TMCC3: variants seen among roughly 807,000 people sequenced by gnomAD.
TMCC3 encodes the protein transmembrane and coiled-coil domain family 3.
TMCC3 carries 28 observed loss-of-function variants against 40.2 expected under a neutral mutation model. The ratio of observed to expected loss-of-function variants is 0.70; its 90% CI spans 0.52 to 0.95. The LOEUF is 0.95. TMCC3 is among the 40% of genes least tolerant of loss of function. The pLI, the probability that TMCC3 is intolerant of heterozygous loss-of-function variation, is 0.00. For missense variants in TMCC3, 554 were observed against 615.2 expected, an observed-to-expected ratio of 0.90 and a Z score of 1.05; for synonymous variants, 255 against 248.5, an observed-to-expected ratio of 1.03 and a Z score of -0.25.
chr12:94,572,311 T>TTTC (rs1175330810), intron 3 of TMCC3, among the ~76,000 whole-genome samples: 1 of 119,994 alleles, frequency 8.3e-6, no homozygotes, highest in Admixed American at 8.4e-5. Context: ...TTCATCTTTT[T>TTTC]TTTTTTTTTT....
In TMCC3 at chr12:94,570,293, C is replaced by A. The variant is rs1349700571; in HGVS notation, c.*1142G>T. 1 of 152,246 alleles carries A rather than the reference C, an allele frequency of 6.6e-6. No individual in the cohort carries two copies. The highest frequency in any genetic ancestry group is 1.5e-5 in the Non-Finnish European group (1 of 68,048). The allele number at this position is 152,246 out of a possible 1,614,324, so 9.4% of individuals were successfully genotyped here. A position where few individuals can be genotyped will look rare whatever the true frequency, so the allele number is the denominator to read the frequency against. On this transcript the variant is annotated 3_prime_UTR_variant, in exon 4 of 4. Coordinates refer to ENST00000261226, the MANE Select transcript of TMCC3 (RefSeq NM_020698.4). ...TTCAGCGTTCCGACACCTCAGTGCA[C>A]TTGAACTTTAGAGGCTATGGTTCGG...
chr12:94,585,590 G>A (rs28502597), intron 1 of TMCC3, among the ~76,000 whole-genome samples: 3,691 of 152,182 alleles, frequency 0.024, 123 homozygotes, highest in African/African-American at 0.083. Context: ...CCAGCTACCC[G>A]GGAGGCTGAG....
chr12:94,571,484 T>G lies in TMCC3; in HGVS notation c.1385A>C (p.Asn462Thr). ...AVTLLAIFCKNWDHILCAIER... is the reference protein window; with the variant it reads ...AVTLLAIFCKTWDHILCAIER... ...TATGGCACACAGGATATGGTCCCAGTTTTTACAAAATATAGCAAGAAGAGT... is the reference window on the plus strand; with the variant it reads ...TATGGCACACAGGATATGGTCCCAGGTTTTACAAAATATAGCAAGAAGAGT... Residue 462 changes from asparagine (N) to threonine (T), a missense_variant, in exon 4 of 4, where the codon AAC becomes ACC. Transcript: ENST00000261226. 6.2e-7 allele frequency: 1 copy of G among 1,614,114 alleles called. No homozygotes were observed. Among genetic ancestry groups the G allele is most frequent in the Non-Finnish European group, 8.5e-7 (1 of 1,180,014 alleles).
intron 1 of TMCC3, chr12:94,610,179 A>C (rs895043779): frequency 4.6e-5 from 7 of 152,242 alleles, no homozygotes; most frequent in African/African-American, 1.4e-4. Flanking sequence ...ATCATTAGAA[A>C]GCCTTGCTAA....
intron 1 of TMCC3, among the ~76,000 whole-genome samples, chr12:94,618,946 G>C (rs957061401): frequency 3.9e-5 from 6 of 152,170 alleles, no homozygotes; most frequent in Non-Finnish European, 7.4e-5. Context: ...AATGAAAGCA[G>C]ACAGATGGCC....
rs1178986394 is a variant in TMCC3, at chr12:94,572,330, A to ATTTTTTTTTT, written c.1132-594_1132-593insAAAAAAAAAA. Among the ~76,000 whole-genome samples, 69 of 82,914 alleles carry ATTTTTTTTTT rather than the reference A, an allele frequency of 8.3e-4. 6 individuals carry two copies. The highest frequency in any genetic ancestry group is 1.1e-3 in the East Asian group (3 of 2,688). The allele number at this position is 82,914 out of a possible 152,430, so 54.4% of individuals were successfully genotyped here. A position where few individuals can be genotyped will look rare whatever the true frequency, so the allele number is the denominator to read the frequency against. Reference sequence around the variant, plus strand: ...TCTTTTTTTTTTTTTTTTTTTTTTGAGACAGAGTTTCACTCTGTCACCCAG... The same window carrying ATTTTTTTTTT: ...TCTTTTTTTTTTTTTTTTTTTTTTGATTTTTTTTTTGACAGAGTTTCACTCTGTCACCCAG... On this transcript the variant is annotated intron_variant, in intron 3 of 3. Transcript: ENST00000261226.
At chr12:94,604,351 T>G (rs1272551051) in intron 1 of TMCC3, among the ~76,000 whole-genome samples, 1 of 152,168 alleles carries the variant, frequency 6.6e-6, no homozygotes, top group South Asian at 2.1e-4. Flanking sequence ...TTAATTTAGG[T>G]TGCAAACCAA....
In TMCC3 at chr12:94,571,124, A is replaced by G; in HGVS notation, c.*311T>C. On this transcript the variant is annotated 3_prime_UTR_variant, in exon 4 of 4. Coordinates refer to ENST00000261226, the MANE Select transcript of TMCC3 (RefSeq NM_020698.4). ...TAGGAGAGAGACCTCTTTCTTCAGG[A>G]TCACCAATTATGCCAAGGTCTCAAT... 3.2e-6 allele frequency: 1 copy of G among 309,986 alleles called. No homozygotes were observed. The highest frequency in any genetic ancestry group is 6.0e-6 in the Non-Finnish European group (1 of 166,690). 19.2% of individuals were successfully genotyped at this position (309,986 alleles called of 1,614,324 possible).
intron 1 of TMCC3, among the ~76,000 whole-genome samples, chr12:94,586,143 A>G (rs1217289860): frequency 6.6e-6 from 1 of 152,228 alleles, no homozygotes; most frequent in East Asian, 1.9e-4. Flanking sequence ...ATTCAACTAA[A>G]CAGAGATTTT....
rs1396586808 is a variant in TMCC3 at position 94,568,539 on chromosome 12, T to C, written c.*2896A>G. The C allele has an allele frequency of 6.6e-6, 1 of 152,194 alleles. No individual in the cohort carries two copies. Among genetic ancestry groups the C allele is most frequent in the Admixed American group, 6.5e-5 (1 of 15,282 alleles). The allele number at this position is 152,194 out of a possible 1,614,324, so 9.4% of individuals were successfully genotyped here. A position where few individuals can be genotyped will look rare whatever the true frequency, so the allele number is the denominator to read the frequency against. On this transcript the variant is annotated 3_prime_UTR_variant, in exon 4 of 4. Coordinates refer to ENST00000261226, the MANE Select transcript of TMCC3 (RefSeq NM_020698.4). Reference sequence around the variant, plus strand: ...GAAAGGATTATAGTTGACACAAACATAAATTAAATATCCAATTCCAGCATA... The same window carrying C: ...GAAAGGATTATAGTTGACACAAACACAAATTAAATATCCAATTCCAGCATA...
intron 1 of TMCC3, among the ~76,000 whole-genome samples, 182 bp from the exon 2 acceptor site, chr12:94,582,720 T>C (rs1038302078): frequency 6.6e-6 from 1 of 151,232 alleles, no homozygotes; most frequent in Admixed American, 6.6e-5. Context: ...GGCTCCTTCC[T>C]GCATCCATCT....
intron 1 of TMCC3, among the ~76,000 whole-genome samples, chr12:94,619,879 T>C (rs1206235607): frequency 6.6e-6 from 1 of 152,184 alleles, no homozygotes; most frequent in East Asian, 1.9e-4. Flanking sequence ...AACATAACAT[T>C]GCAGCCAGGC....
chr12:94,568,251 G>T lies in TMCC3; in HGVS notation c.*3184C>A, dbSNP rs2068506324. ...AGTACTTTTTTGCTGTTTCATTATG[G>T]ATTTCCATTTTTTTTTTTTTTTTTT... is the stretch of plus-strand genomic sequence containing the variant. On this transcript the variant is annotated 3_prime_UTR_variant, in exon 4 of 4. Transcript: ENST00000261226. 1 of 151,156 alleles carries T rather than the reference G, an allele frequency of 6.6e-6. No homozygotes were observed. The highest frequency in any genetic ancestry group is 1.5e-5 in the Non-Finnish European group (1 of 67,902). 9.4% of individuals were successfully genotyped at this position (151,156 alleles called of 1,614,324 possible). A position where few individuals can be genotyped will look rare whatever the true frequency, so the allele number is the denominator to read the frequency against.
chr12:94,601,482 C>T lies in TMCC3; in HGVS notation c.79-18944G>A, dbSNP rs1277539700. Among the ~76,000 whole-genome samples, 5 of 152,048 alleles carry T rather than the reference C, an allele frequency of 3.3e-5. No homozygotes were observed. In the South Asian group the frequency reaches 6.2e-4, roughly 19 times the overall value. ...GCAGTGACCCGAGATCATGCCATTA[C>T]ACTCACTACACTCCAGCCTGGGCAA... On this transcript the variant is annotated intron_variant, in intron 1 of 3. Transcript: ENST00000261226.
intron 1 of TMCC3, among the ~76,000 whole-genome samples, chr12:94,596,756 T>C (rs1294546553): frequency 6.6e-6 from 1 of 152,128 alleles, no homozygotes; most frequent in East Asian, 1.9e-4. Flanking sequence ...AGCAGCCAAC[T>C]AGGGCAGCCA....
chr12:94,574,441 G>A (rs749983375), intron 3 of TMCC3, among the ~76,000 whole-genome samples: 1 of 150,640 alleles, frequency 6.6e-6, no homozygotes, highest in Non-Finnish European at 1.5e-5. Context: ...CTTCAGGCCT[G>A]CTGGGTGAAA....
intron 1 of TMCC3, among the ~76,000 whole-genome samples, chr12:94,633,555 C>A (rs114183655): frequency 6.6e-6 from 1 of 152,236 alleles, no homozygotes; most frequent in African/African-American, 2.4e-5. Flanking sequence ...AAACATTTGC[C>A]CCTCTTTGTG....
In TMCC3 at chr12:94,571,315, CAGTCCTAGTTTTTCTTACACACG is replaced by C; in HGVS notation, c.*97_*119del. 9.9e-7 allele frequency: 1 copy of C among 1,010,686 alleles called. No individual in the cohort carries two copies. Among genetic ancestry groups the C allele is most frequent in the Non-Finnish European group, 1.4e-6 (1 of 692,188 alleles). 62.6% of individuals were successfully genotyped at this position (1,010,686 alleles called of 1,614,324 possible). Reference sequence around the variant, plus strand: ...GAGAATTGTAGTTATTTACACCACACAGTCCTAGTTTTTCTTACACACGAGTCCGCACAATCATTCACTGTAAA... The same window carrying C: ...GAGAATTGTAGTTATTTACACCACACAGTCCGCACAATCATTCACTGTAAA... On this transcript the variant is annotated 3_prime_UTR_variant, in exon 4 of 4. Coordinates refer to ENST00000261226, the MANE Select transcript of TMCC3 (RefSeq NM_020698.4).
At chr12:94,614,894 C>A (rs1184222549) in intron 1 of TMCC3, among the ~76,000 whole-genome samples, 1 of 151,880 alleles carries the variant, frequency 6.6e-6, no homozygotes, top group Non-Finnish European at 1.5e-5. Flanking sequence ...TCCCGAGTAG[C>A]TGGGATTACA....
Sources: gnomAD v4.1 joint callset for allele counts (sites outside exome capture counted in the v4.1 genomes callset) on GRCh38, gnomAD v4.1.1 for gene constraint, MANE v1.5 for transcripts, NCBI Gene and HGNC (gene_info 2026-07-23, HGNC 2026-07-21) for gene names.